The following PTCSC3 variants were observed in gnomAD, a reference collection of about 807,000 sequenced individuals.
The protein encoded by PTCSC3 is papillary thyroid carcinoma susceptibility candidate 3 (non-protein coding).
chr14:36,164,294 T>C (rs1161547752), intron 1 of PTCSC3: 1 of 152,162 alleles, frequency 6.6e-6, no homozygotes, highest in Non-Finnish European at 1.5e-5. Flanking sequence ...TCACTAAATG[T>C]TTGCCACAAA....
intron 3 of PTCSC3, among the ~76,000 whole-genome samples, chr14:36,146,382 C>G (rs1278671092): frequency 6.6e-6 from 1 of 150,592 alleles, no homozygotes; most frequent in African/African-American, 2.4e-5. Context: ...ATAGTTAGCT[C>G]TTCTTGTTGA....
intron 3 of PTCSC3, among the ~76,000 whole-genome samples, chr14:36,150,415 T>C (rs1414142241): frequency 2.0e-5 from 3 of 152,186 alleles, no homozygotes; most frequent in Non-Finnish European, 2.9e-5. Flanking sequence ...GCACCAGATA[T>C]TGAATCTGTT....
intron 3 of PTCSC3, among the ~76,000 whole-genome samples, chr14:36,149,109 T>C (rs559408629): frequency 1.1e-4 from 17 of 152,112 alleles, no homozygotes; most frequent in Non-Finnish European, 2.4e-4. Context: ...TAGGTCTTTC[T>C]TCTTTTCTAA....
intron 2 of PTCSC3, among the ~76,000 whole-genome samples, chr14:36,156,313 A>G (rs1349783466): frequency 6.6e-6 from 1 of 152,222 alleles, no homozygotes; most frequent in African/African-American, 2.4e-5. Context: ...ATTGTGATGA[A>G]AGATTAGAAT....
chr14:36,147,157 G>C (rs375291262), intron 3 of PTCSC3, among the ~76,000 whole-genome samples: 3 of 152,000 alleles, frequency 2.0e-5, no homozygotes, highest in African/African-American at 4.8e-5. Context: ...TTGCTCTTCT[G>C]GAGGAGTATC....
intron 3 of PTCSC3, among the ~76,000 whole-genome samples, chr14:36,145,872 C>T (rs889649139): frequency 1.0e-4 from 15 of 149,038 alleles, no homozygotes; most frequent in South Asian, 2.1e-4. Context: ...TCTTTGTTCT[C>T]GTTGGTTTCA....
At chr14:36,175,058 A>T (rs897804076) in intron 1 of PTCSC3, among the ~76,000 whole-genome samples, 2 of 152,166 alleles carry the variant, frequency 1.3e-5, no homozygotes, top group Non-Finnish European at 2.9e-5. Flanking sequence ...GATTTGCAGG[A>T]GATCCCTGCT....
At chr14:36,157,249 G>C (rs1182191281) in intron 2 of PTCSC3, among the ~76,000 whole-genome samples, 1 of 152,028 alleles carries the variant, frequency 6.6e-6, no homozygotes, top group East Asian at 1.9e-4. Flanking sequence ...CTTTTTGATA[G>C]GGTTGTTTTT....
chr14:36,158,973 T>C (rs1260603413), intron 2 of PTCSC3, among the ~76,000 whole-genome samples: 1 of 152,222 alleles, frequency 6.6e-6, no homozygotes, highest in Non-Finnish European at 1.5e-5. Flanking sequence ...CTTCCTGGTG[T>C]AGACTTGGGA....
chr14:36,151,589 A>G (rs1881725116), intron 3 of PTCSC3, among the ~76,000 whole-genome samples: 1 of 152,018 alleles, frequency 6.6e-6, no homozygotes, highest in African/African-American at 2.4e-5. Flanking sequence ...TTATTTTGTG[A>G]TTAAAATATC....
chr14:36,148,754 T>C (rs1446860230), intron 3 of PTCSC3, among the ~76,000 whole-genome samples: 3 of 152,196 alleles, frequency 2.0e-5, no homozygotes, highest in African/African-American at 4.8e-5. Flanking sequence ...TATGAGTTTT[T>C]ATAGATCTTT....
chr14:36,155,328 C>A (rs892597126), intron 2 of PTCSC3, among the ~76,000 whole-genome samples: 2 of 152,104 alleles, frequency 1.3e-5, no homozygotes, highest in African/African-American at 4.8e-5. Flanking sequence ...ACAGTAAAAA[C>A]TTTATCAAGA....
chr14:36,141,454 G>GAT (rs1474540486), intron 3 of PTCSC3, among the ~76,000 whole-genome samples: 5 of 151,596 alleles, frequency 3.3e-5, no homozygotes, highest in African/African-American at 4.8e-5. Context: ...CAGATATATA[G>GAT]ATATATATAT....
intron 3 of PTCSC3, among the ~76,000 whole-genome samples, chr14:36,138,174 T>C (rs906587234): frequency 1.3e-5 from 1 of 79,500 alleles, no homozygotes; most frequent in Non-Finnish European, 3.1e-5. Context: ...TGAATATCCA[T>C]GTGGGGGAAA....
At chr14:36,152,123 G>T (rs1881736927) in intron 3 of PTCSC3, among the ~76,000 whole-genome samples, 1 of 151,394 alleles carries the variant, frequency 6.6e-6, no homozygotes, top group Admixed American at 6.6e-5. Context: ...TCTTCTCTGT[G>T]GATTTTAGAT....
At chr14:36,172,549 C>T (rs906087981) in intron 1 of PTCSC3, among the ~76,000 whole-genome samples, 1 of 152,116 alleles carries the variant, frequency 6.6e-6, no homozygotes, top group East Asian at 1.9e-4. Context: ...TATCCTCCCT[C>T]CTCAATTCTG....
intron 3 of PTCSC3, among the ~76,000 whole-genome samples, chr14:36,141,980 T>G (rs1202304725): frequency 6.6e-6 from 1 of 152,178 alleles, no homozygotes; most frequent in Non-Finnish European, 1.5e-5. Flanking sequence ...CAAAGACAGT[T>G]TTATTTGTTT....
intron 2 of PTCSC3, among the ~76,000 whole-genome samples, chr14:36,156,395 G>T (rs1446382135): frequency 6.6e-6 from 1 of 152,140 alleles, no homozygotes; most frequent in Non-Finnish European, 1.5e-5. Context: ...TCACCAAAAA[G>T]AATAAAATCT....
chr14:36,166,348 TATTAA>T (rs1158187557), intron 1 of PTCSC3, among the ~76,000 whole-genome samples: 6 of 152,226 alleles, frequency 3.9e-5, no homozygotes, highest in African/African-American at 1.4e-4. Flanking sequence ...ATGTGTAAGT[TATTAA>T]ATTAAGGCTC....
Sources: gnomAD v4.1 joint callset for allele counts (sites outside exome capture counted in the v4.1 genomes callset) on GRCh38, gnomAD v4.1.1 for gene constraint, MANE v1.5 for transcripts, NCBI Gene and HGNC (gene_info 2026-07-23, HGNC 2026-07-21) for gene names.